Variants in FUT8 observed in about 807,000 individuals in gnomAD.
FUT8 encodes the protein fucosyltransferase 8.
In FUT8, 29 loss-of-function variants were observed where a neutral mutation model predicts 71.3. The ratio of observed to expected loss-of-function variants is 0.41; its 90% CI spans 0.30 to 0.55. The LOEUF (loss-of-function observed/expected upper bound fraction) is 0.55. FUT8 is among the 20% of genes least tolerant of loss of function. FUT8 has a pLI of 0.34. For missense variants in FUT8, 544 were observed against 702.1 expected (o/e 0.77, Z 2.55); for synonymous variants, 254 against 239.3 (o/e 1.06, Z -0.57).
chr14:65,506,434 G>A (rs1355855643), intron 2 of FUT8, among the ~76,000 whole-genome samples: 2 of 152,162 alleles, frequency 1.3e-5, no homozygotes, highest in Non-Finnish European at 2.9e-5. Flanking sequence ...AGCAGATGTT[G>A]GGGATTGGCA....
At chr14:65,380,806 G>T in the FUT8 span, among the ~76,000 whole-genome samples, 5 of 152,192 alleles carry the variant, frequency 3.3e-5, no homozygotes, top group South Asian at 2.1e-4. Context: ...CCCAATTTTG[G>T]AAAGTGTTTC....
chr14:65,515,046 C>G (rs1251555909), intron 2 of FUT8, among the ~76,000 whole-genome samples: 1 of 147,698 alleles, frequency 6.8e-6, no homozygotes, highest in Admixed American at 6.8e-5. Context: ...ATTATTTTGT[C>G]TTTCCAAACC....
intron 5 of FUT8, among the ~76,000 whole-genome samples, chr14:65,626,464 T>C (rs1889902051): frequency 6.6e-6 from 1 of 152,224 alleles, no homozygotes; most frequent in South Asian, 2.1e-4. Context: ...CACATTATTG[T>C]GCTCTGGACC....
chr14:65,650,851 G>C (rs1205831513), intron 6 of FUT8, among the ~76,000 whole-genome samples: 1 of 151,996 alleles, frequency 6.6e-6, no homozygotes, highest in East Asian at 1.9e-4. Flanking sequence ...TGGACAGAGA[G>C]GGGGGAAAAA....
At chr14:65,475,930 G>A (rs1358368612) in intron 2 of FUT8, among the ~76,000 whole-genome samples, 1 of 152,058 alleles carries the variant, frequency 6.6e-6, no homozygotes, top group Non-Finnish European at 1.5e-5. Flanking sequence ...GAAGTTGAGA[G>A]GGAAAGGGTC....
intron 6 of FUT8, among the ~76,000 whole-genome samples, chr14:65,635,279 G>A (rs972316631): frequency 3.3e-5 from 5 of 152,056 alleles, no homozygotes; most frequent in Admixed American, 2.6e-4. Flanking sequence ...TGATCATATC[G>A]TCAGCAAACA....
chr14:65,649,775 T>C (rs1228249342), intron 6 of FUT8, among the ~76,000 whole-genome samples: 1 of 152,186 alleles, frequency 6.6e-6, no homozygotes, highest in Non-Finnish European at 1.5e-5. Context: ...GAGAGATTGT[T>C]GAAAAAAGTT....
the FUT8 span, among the ~76,000 whole-genome samples, chr14:65,364,697 A>G: frequency 6.6e-6 from 1 of 152,164 alleles, no homozygotes; most frequent in Non-Finnish European, 1.5e-5. Flanking sequence ...ACAGGCTCAC[A>G]TAAGCTTATT....
chr14:65,446,864 T>C (rs1167647939), intron 1 of FUT8, among the ~76,000 whole-genome samples: 1 of 152,000 alleles, frequency 6.6e-6, no homozygotes, highest in East Asian at 1.9e-4. Context: ...AGGCAGAGTT[T>C]TGCTATGTTG....
At chr14:65,729,721 A>G (rs938005508) in intron 9 of FUT8, among the ~76,000 whole-genome samples, 3 of 152,124 alleles carry the variant, frequency 2.0e-5, no homozygotes, top group Non-Finnish European at 4.4e-5. Flanking sequence ...GCACAGCATG[A>G]CAGTTTTATA....
At chr14:65,412,639 CT>C (rs1462649868), upstream of FUT8, 1 of 261,524 alleles carries the variant, frequency 3.8e-6, no homozygotes, top group African/African-American at 2.4e-5. Flanking sequence ...GGGAGAATCC[CT>C]GGCACATGCC....
chr14:65,619,510 A>G (rs1889489249), intron 5 of FUT8, among the ~76,000 whole-genome samples: 1 of 152,198 alleles, frequency 6.6e-6, no homozygotes, highest in Non-Finnish European at 1.5e-5. Flanking sequence ...TGAGATTTTT[A>G]GCAAAATACT....
intron 2 of FUT8, among the ~76,000 whole-genome samples, chr14:65,509,153 G>GT (rs1882171257): frequency 6.6e-6 from 1 of 152,060 alleles, no homozygotes; most frequent in Non-Finnish European, 1.5e-5. Context: ...TATATATCCA[G>GT]TTTCCAAGCA....
chr14:65,371,378 C>T, the FUT8 span, among the ~76,000 whole-genome samples: 2 of 152,178 alleles, frequency 1.3e-5, no homozygotes, highest in Non-Finnish European at 2.9e-5. Flanking sequence ...AGGAAATTAA[C>T]GTTGATGTAT....
intron 1 of FUT8, among the ~76,000 whole-genome samples, chr14:65,421,314 G>A (rs1187443777): frequency 6.6e-6 from 1 of 152,234 alleles, no homozygotes; most frequent in East Asian, 1.9e-4. Flanking sequence ...TAGGCTGAGA[G>A]GAGAAGGAAG....
intron 6 of FUT8, among the ~76,000 whole-genome samples, chr14:65,653,579 A>C (rs1027363042): frequency 6.6e-6 from 1 of 152,220 alleles, no homozygotes. Flanking sequence ...AATTTGCTGA[A>C]AACTGAAAAC....
intron 7 of FUT8, among the ~76,000 whole-genome samples, chr14:65,687,752 T>G (rs2140425864): frequency 6.6e-6 from 1 of 152,108 alleles, no homozygotes; most frequent in South Asian, 2.1e-4. Context: ...CCCAACCTTT[T>G]TAAGAGAGTC....
intron 1 of FUT8, among the ~76,000 whole-genome samples, chr14:65,441,276 C>T (rs1432921939): frequency 1.3e-5 from 2 of 152,116 alleles, no homozygotes; most frequent in African/African-American, 4.8e-5. Context: ...TGTTGAAATA[C>T]AGATGTCAGT....
intron 3 of FUT8, among the ~76,000 whole-genome samples, chr14:65,596,597 G>A (rs1000966618): frequency 1.3e-5 from 2 of 152,158 alleles, no homozygotes; most frequent in Non-Finnish European, 2.9e-5. Context: ...TTGCAGAATA[G>A]TTAGGGGAGT....
Sources: gnomAD v4.1 joint callset for allele counts (sites outside exome capture counted in the v4.1 genomes callset) on GRCh38, gnomAD v4.1.1 for gene constraint, MANE v1.5 for transcripts, NCBI Gene and HGNC (gene_info 2026-07-23, HGNC 2026-07-21) for gene names.